ZNF431: variants seen among roughly 807,000 people sequenced by gnomAD.
ZNF431 encodes zinc finger protein 431.
A neutral mutation model predicts 57.0 loss-of-function variants in ZNF431; 34 were observed. The ratio of observed to expected loss-of-function variants is 0.60; its 90% CI spans 0.45 to 0.79. The LOEUF is 0.79. Among genes scored for constraint, ZNF431 ranks in the 30% least tolerant of loss-of-function variants. The pLI is 0.00. For missense variants in ZNF431, 607 were observed against 667.1 expected, an observed-to-expected ratio of 0.91 and a Z score of 0.99; for synonymous variants, 207 against 220.3, an observed-to-expected ratio of 0.94 and a Z score of 0.54.
intron 4 of ZNF431, among the ~76,000 whole-genome samples, chr19:21,169,339 T>C (rs573507040): frequency 2.0e-5 from 3 of 152,348 alleles, no homozygotes; most frequent in East Asian, 1.9e-4. Context: ...CTTGACTAAT[T>C]CTTGTGCCAC....
Position 21,185,935 on chromosome 19 carries a change from A to G in ZNF431, c.*1901A>G, listed in dbSNP as rs936581784. ...TTACCACAGTGTTATTTTTATCGTC[A>G]TAATAAAAATTATATACGAGTATAA... On this transcript the variant is annotated 3_prime_UTR_variant, in exon 5 of 5. Coordinates refer to ENST00000311048, the MANE Select transcript of ZNF431 (RefSeq NM_133473.4). The G allele has an allele frequency of 6.6e-6, 1 of 152,190 alleles. No homozygotes were observed. The highest frequency in any genetic ancestry group is 2.4e-5 in the African/African-American group (1 of 41,448). 9.4% of individuals were successfully genotyped at this position (152,190 alleles called of 1,614,324 possible). A position where few individuals can be genotyped will look rare whatever the true frequency, so the allele number is the denominator to read the frequency against.
chr19:21,177,128 T>C (rs1000865576), intron 4 of ZNF431, among the ~76,000 whole-genome samples: 5 of 152,262 alleles, frequency 3.3e-5, no homozygotes, highest in African/African-American at 9.6e-5. Context: ...TGAGTAGTAT[T>C]GCCTAGATTT....
At chr19:21,171,770 G>T (rs1283560497) in intron 4 of ZNF431, among the ~76,000 whole-genome samples, 1 of 140,382 alleles carries the variant, frequency 7.1e-6, no homozygotes, top group African/African-American at 2.7e-5. Context: ...GCCCAGGCTG[G>T]TGTGCAGTGG....
chr19:21,157,855 T>G (rs538757878), intron 2 of ZNF431, among the ~76,000 whole-genome samples: 2 of 151,818 alleles, frequency 1.3e-5, no homozygotes, highest in Non-Finnish European at 2.9e-5. Context: ...TGAATTTTTT[T>G]TTTTTTTTTG....
chr19:21,163,939 G>C (rs758870789), intron 2 of ZNF431, among the ~76,000 whole-genome samples: 3 of 151,784 alleles, frequency 2.0e-5, no homozygotes, highest in Non-Finnish European at 4.4e-5. Flanking sequence ...AAATTAGCTG[G>C]GTGTGGTGGT....
chr19:21,163,154 T>C (rs1251775318), intron 2 of ZNF431, among the ~76,000 whole-genome samples: 2 of 152,216 alleles, frequency 1.3e-5, no homozygotes, highest in Non-Finnish European at 2.9e-5. Context: ...TGTAACATAC[T>C]CTTGAGCAGA....
chr19:21,175,174 TTGAG>T (rs1971015974), intron 4 of ZNF431, among the ~76,000 whole-genome samples: 1 of 152,202 alleles, frequency 6.6e-6, no homozygotes, highest in South Asian at 2.1e-4. Context: ...TTTCAGTTTC[TTGAG>T]TAACTGGGTT....
rs1320297402 is a variant in ZNF431, at chr19:21,190,059, C to G, written c.*6025C>G. The G allele has an allele frequency of 1.3e-5, 5 of 384,998 alleles. No individual in the cohort carries two copies. Among genetic ancestry groups the G allele is most frequent in the Non-Finnish European group, 1.8e-5 (4 of 217,860 alleles). The allele number at this position is 384,998 out of a possible 1,614,324, so 23.8% of individuals were successfully genotyped here. ...TGGTGCAGGCCTGTAATCTCAGCTACTCCAGAGGCTGAGGCATGAGAATCC... is the reference window on the plus strand; with the variant it reads ...TGGTGCAGGCCTGTAATCTCAGCTAGTCCAGAGGCTGAGGCATGAGAATCC... On this transcript the variant is annotated 3_prime_UTR_variant, in exon 5 of 5. Transcript: ENST00000311048.
intron 2 of ZNF431, among the ~76,000 whole-genome samples, chr19:21,154,220 C>T (rs1398716336): frequency 1.3e-5 from 2 of 152,138 alleles, no homozygotes; most frequent in Admixed American, 1.3e-4. Flanking sequence ...CTTCCTGTGT[C>T]CATGTGTTCT....
intron 2 of ZNF431, chr19:21,150,273 G>A: frequency 2.0e-6 from 1 of 488,478 alleles, no homozygotes; most frequent in Non-Finnish European, 3.9e-6. Context: ...GATATAGTGG[G>A]GCCATTTCGG....
rs1323815036 is a variant in ZNF431 at position 21,185,699 on chromosome 19, G to C, written c.*1665G>C. On this transcript the variant is annotated 3_prime_UTR_variant, in exon 5 of 5. Transcript: ENST00000311048. ...TGGTCTTGAACTCCTGACCTCATGTGATCCGCCCGCCTCAGCCTCCCAAAG... is the reference window on the plus strand; with the variant it reads ...TGGTCTTGAACTCCTGACCTCATGTCATCCGCCCGCCTCAGCCTCCCAAAG... 2.0e-5 allele frequency: 3 copies of C among 152,162 alleles called. No homozygotes were observed. The highest frequency in any genetic ancestry group is 7.2e-5 in the African/African-American group (3 of 41,380). The allele number at this position is 152,162 out of a possible 1,614,324, so 9.4% of individuals were successfully genotyped here.
At chr19:21,175,035 G>A (rs189234481) in intron 4 of ZNF431, among the ~76,000 whole-genome samples, 1 of 151,632 alleles carries the variant, frequency 6.6e-6, no homozygotes, top group Admixed American at 6.6e-5. Context: ...GGGATTACAG[G>A]CATGAGCCGC....
chr19:21,157,868 C>G (rs1474951238), intron 2 of ZNF431, among the ~76,000 whole-genome samples: 1 of 142,868 alleles, frequency 7.0e-6, no homozygotes, highest in Non-Finnish European at 1.5e-5. Flanking sequence ...TTTTTTTGCT[C>G]TGTATTCTGC....
intron 1 of ZNF431, among the ~76,000 whole-genome samples, 170 bp downstream of exon 1, chr19:21,142,356 T>C (rs1599567673): frequency 6.6e-6 from 1 of 152,202 alleles, no homozygotes; most frequent in South Asian, 2.1e-4. Flanking sequence ...ATGGCGGCTG[T>C]GCTGACAGTC....
chr19:21,182,339 G>T (rs974335938), intron 4 of ZNF431, among the ~76,000 whole-genome samples: 1 of 152,168 alleles, frequency 6.6e-6, no homozygotes, highest in African/African-American at 2.4e-5. Flanking sequence ...GAACTGTGTT[G>T]GGTAAATGTA....
intron 4 of ZNF431, among the ~76,000 whole-genome samples, chr19:21,171,655 A>G (rs993955722): frequency 6.7e-6 from 1 of 148,248 alleles, no homozygotes; most frequent in African/African-American, 2.5e-5. Context: ...AGTCATGAAA[A>G]TATTTTCATT....
intron 2 of ZNF431, among the ~76,000 whole-genome samples, chr19:21,155,946 G>A (rs1474983094): frequency 2.6e-5 from 4 of 152,054 alleles, no homozygotes; most frequent in African/African-American, 9.7e-5. Flanking sequence ...TGCCAGGATT[G>A]AAGAGGATGA....
At chr19:21,153,180 C>G (rs1377223014) in intron 2 of ZNF431, among the ~76,000 whole-genome samples, 6 of 151,942 alleles carry the variant, frequency 3.9e-5, no homozygotes, top group Admixed American at 3.9e-4. Flanking sequence ...ACATGTCACT[C>G]TCATCGCCAT....
At chr19:21,154,233 T>C (rs965169415) in intron 2 of ZNF431, among the ~76,000 whole-genome samples, 4 of 152,144 alleles carry the variant, frequency 2.6e-5, no homozygotes, top group Non-Finnish European at 5.9e-5. Flanking sequence ...TGTGTTCTCA[T>C]TGTTCAATTC....
Sources: allele counts gnomAD v4.1 joint callset (sites outside exome capture counted in the v4.1 genomes callset), GRCh38; gene constraint gnomAD v4.1.1; transcripts MANE v1.5; gene names NCBI Gene and HGNC (gene_info 2026-07-23, HGNC 2026-07-21).